MAGI1: variants seen among roughly 807,000 people sequenced by gnomAD.
MAGI1 encodes membrane-associated guanylate kinase, WW and PDZ domain-containing protein 1.
In MAGI1, 58 loss-of-function variants were observed where a neutral mutation model predicts 139.9. The observed-to-expected ratio is 0.41, with a 90% CI of 0.34 to 0.52. MAGI1 has a LOEUF of 0.52. Ranked by LOEUF, MAGI1 falls within the 20% of genes least tolerant of loss-of-function variation. The probability of loss-of-function intolerance (pLI) is 0.12; values close to 1 mark genes in which losing one functional copy is unlikely to be tolerated. For missense variants in MAGI1, 1,874 were observed against 1,901.6 expected (o/e 0.99, Z 0.27); for synonymous variants, 812 against 737.9 (o/e 1.10, Z -1.63).
At chr3:65,487,766 G>A (rs1007695951) in intron 3 of MAGI1, among the ~76,000 whole-genome samples, 2 of 152,158 alleles carry the variant, frequency 1.3e-5, no homozygotes, top group Admixed American at 6.5e-5. Flanking sequence ...GATTCAACAC[G>A]ATGATTCTTT....
At chr3:65,553,217 A>G (rs1275602308) in intron 2 of MAGI1, among the ~76,000 whole-genome samples, 1 of 152,016 alleles carries the variant, frequency 6.6e-6, no homozygotes, top group Non-Finnish European at 1.5e-5. Flanking sequence ...TATGCACGGT[A>G]TAACAATATT....
chr3:65,956,631 G>C (rs2064140378), intron 1 of MAGI1, among the ~76,000 whole-genome samples: 1 of 152,154 alleles, frequency 6.6e-6, no homozygotes. Flanking sequence ...GCGCCGACAA[G>C]GACGTTAAAT....
intron 2 of MAGI1, among the ~76,000 whole-genome samples, chr3:65,500,450 CTT>C (rs1353992598): frequency 6.6e-6 from 1 of 152,184 alleles, no homozygotes; most frequent in African/African-American, 2.4e-5. Context: ...GGTTCATAAA[CTT>C]GCAGTGTATC....
At chr3:65,769,574 C>T (rs970822778) in intron 1 of MAGI1, among the ~76,000 whole-genome samples, 1 of 152,154 alleles carries the variant, frequency 6.6e-6, no homozygotes, top group Non-Finnish European at 1.5e-5. Flanking sequence ...CATCCAGGTA[C>T]AAGCTGCAAT....
intron 1 of MAGI1, among the ~76,000 whole-genome samples, chr3:65,921,931 C>CAT (rs2062222671): frequency 6.7e-6 from 1 of 150,188 alleles, no homozygotes; most frequent in African/African-American, 2.5e-5. Context: ...CACACACACA[C>CAT]ACACACACAC....
intron 1 of MAGI1, among the ~76,000 whole-genome samples, chr3:65,663,962 G>C (rs553974365): frequency 4.2e-4 from 64 of 152,260 alleles, no homozygotes; most frequent in Non-Finnish European, 9.0e-4. Context: ...AATATGTCAA[G>C]TCGTGTTGAC....
At chr3:65,373,673 C>T (rs1942215924) in intron 18 of MAGI1, among the ~76,000 whole-genome samples, 1 of 152,190 alleles carries the variant, frequency 6.6e-6, no homozygotes, top group Admixed American at 6.5e-5. Flanking sequence ...TTTCTGGCTT[C>T]CTTCATCCTT....
intron 3 of MAGI1, among the ~76,000 whole-genome samples, chr3:65,480,263 T>C (rs1951187781): frequency 6.6e-6 from 1 of 151,506 alleles, no homozygotes; most frequent in Non-Finnish European, 1.5e-5. Flanking sequence ...CAGGGTACAG[T>C]GGATCATGCC....
intron 1 of MAGI1, among the ~76,000 whole-genome samples, chr3:65,881,380 A>C (rs2060321564): frequency 6.6e-6 from 1 of 152,160 alleles, no homozygotes. Flanking sequence ...TAATCCCAGC[A>C]CTTTGGGGGG....
Position 65,718,287 on chromosome 3 carries a change from T to G in MAGI1, c.314-96199A>C, listed in dbSNP as rs575140558. The stretch of plus-strand genomic sequence containing the variant: ...TTGCCAGAAACATTTTGGCTGGACC[T>G]AAGAGATAGCTTCCTAAGATGATGA... On this transcript the variant is annotated intron_variant, in intron 1 of 22. Transcript: ENST00000402939. Among the ~76,000 whole-genome samples the G allele has an allele frequency of 3.0e-4, 46 of 152,270 alleles. No individual in the cohort carries two copies. In the South Asian group the frequency reaches 9.5e-3, roughly 32 times the overall value.
chr3:65,979,857 T>G (rs2065474396), intron 1 of MAGI1, among the ~76,000 whole-genome samples: 1 of 152,186 alleles, frequency 6.6e-6, no homozygotes, highest in South Asian at 2.1e-4. Flanking sequence ...CTCAATAAAC[T>G]GTGAGCTCAG....
chr3:65,471,341 A>C (rs1950549776), intron 4 of MAGI1, among the ~76,000 whole-genome samples: 1 of 152,216 alleles, frequency 6.6e-6, no homozygotes, highest in Admixed American at 6.5e-5. Context: ...AAACTGAATA[A>C]TCAGGGTATG....
chr3:65,780,717 GATT>G (rs1157045673), intron 1 of MAGI1, among the ~76,000 whole-genome samples: 1 of 152,134 alleles, frequency 6.6e-6, no homozygotes, highest in African/African-American at 2.4e-5. Context: ...TTGCAGACTT[GATT>G]ATAAAAAACG....
intron 1 of MAGI1, among the ~76,000 whole-genome samples, chr3:65,789,713 C>T (rs568111256): frequency 7.0e-4 from 106 of 152,280 alleles, no homozygotes; most frequent in African/African-American, 2.2e-3. Context: ...CCCTCGCCCA[C>T]GGCCCTATGG....
intron 2 of MAGI1, among the ~76,000 whole-genome samples, chr3:65,515,970 G>A (rs1316742087): frequency 6.6e-6 from 1 of 152,134 alleles, no homozygotes; most frequent in African/African-American, 2.4e-5. Context: ...CTTTACAGGG[G>A]CACAGGGAAT....
At chr3:65,897,324 A>C (rs886528356) in intron 1 of MAGI1, among the ~76,000 whole-genome samples, 1 of 152,106 alleles carries the variant, frequency 6.6e-6, no homozygotes, top group Admixed American at 6.6e-5. Flanking sequence ...GCTTAAGCCC[A>C]GGAGTTCCAG....
intron 1 of MAGI1, among the ~76,000 whole-genome samples, chr3:65,652,364 T>C (rs1020117892): frequency 5.3e-5 from 8 of 152,158 alleles, no homozygotes; most frequent in Non-Finnish European, 1.2e-4. Context: ...CTCTCAATCT[T>C]AGTACTATTG....
At chr3:65,795,358 TA>T (rs1314974197) in intron 1 of MAGI1, among the ~76,000 whole-genome samples, 3 of 152,188 alleles carry the variant, frequency 2.0e-5, no homozygotes, top group Non-Finnish European at 4.4e-5. Context: ...CAGCAATTTT[TA>T]AAAATGAACT....
chr3:65,527,865 C>T (rs896585713), intron 2 of MAGI1, among the ~76,000 whole-genome samples: 2 of 151,752 alleles, frequency 1.3e-5, no homozygotes, highest in African/African-American at 4.8e-5. Flanking sequence ...CGAGATCATG[C>T]CACTGCACTC....
Sources: allele counts gnomAD v4.1 joint callset (sites outside exome capture counted in the v4.1 genomes callset), GRCh38; gene constraint gnomAD v4.1.1; transcripts MANE v1.5; gene names NCBI Gene and HGNC (gene_info 2026-07-23, HGNC 2026-07-21).